FHIT: variants seen among roughly 807,000 people sequenced by gnomAD.
FHIT encodes the protein fragile histidine triad diadenosine triphosphatase.
In FHIT, 19 loss-of-function variants were observed where a neutral mutation model predicts 17.9. The ratio of observed to expected loss-of-function variants is 1.06; its 90% CI spans 0.74 to 1.56. The LOEUF (loss-of-function observed/expected upper bound fraction) is 1.56, where lower values mean the gene tolerates loss of function less well. FHIT is among the 40% of genes most tolerant of loss of function. FHIT has a pLI of 0.00. For synonymous variants in FHIT, 81 were observed against 69.7 expected (o/e 1.16, Z -0.81); for missense variants, 248 against 189.2 (o/e 1.31, Z -1.82).
At position 60,294,543 on chromosome 3, in the gene FHIT, C is replaced by T. The variant is rs556739590; in HGVS notation, c.103+242317G>A. 3.3e-5 allele frequency among the ~76,000 whole-genome samples: 5 copies of T among 152,290 alleles called. No homozygotes were observed. In the East Asian group the frequency reaches 9.7e-4, roughly 29 times the overall value. On this transcript the variant is annotated intron_variant, in intron 5 of 9. Coordinates refer to ENST00000492590, the MANE Select transcript of FHIT (RefSeq NM_002012.4). The stretch of plus-strand genomic sequence containing the variant: ...TACAAACAATGAGTACAGCCACATG[C>T]TGTGCCTAAAATAACAATTACAAAA...
chr3:61,105,586 C>T (rs2035966618), intron 2 of FHIT, among the ~76,000 whole-genome samples: 1 of 151,972 alleles, frequency 6.6e-6, no homozygotes, highest in South Asian at 2.1e-4. Flanking sequence ...AAAAAGTGGT[C>T]TGCATATTTG....
intron 2 of FHIT, among the ~76,000 whole-genome samples, chr3:61,188,297 T>C (rs767855518): frequency 1.3e-5 from 2 of 152,116 alleles, no homozygotes; most frequent in Non-Finnish European, 1.5e-5. Flanking sequence ...GAGAATACTA[T>C]AAACACCTCT....
At chr3:60,211,193 GTA>G (rs965161103) in intron 5 of FHIT, among the ~76,000 whole-genome samples, 8 of 151,622 alleles carry the variant, frequency 5.3e-5, no homozygotes, top group African/African-American at 1.9e-4. Flanking sequence ...GAAGAAAAAT[GTA>G]TAGAGTATAT....
intron 5 of FHIT, among the ~76,000 whole-genome samples, chr3:60,208,362 T>G (rs1703297177): frequency 6.8e-6 from 1 of 148,008 alleles, no homozygotes; most frequent in African/African-American, 2.4e-5. Context: ...AAGTGTACTC[T>G]GAAATCACCT....
intron 8 of FHIT, among the ~76,000 whole-genome samples, chr3:59,872,987 C>T (rs141966394): frequency 9.5e-4 from 145 of 152,306 alleles, no homozygotes; most frequent in African/African-American, 3.4e-3. Flanking sequence ...CTAGAAGCAG[C>T]CCTGCTCACC....
At chr3:60,590,718 A>T (rs2038056849) in intron 4 of FHIT, among the ~76,000 whole-genome samples, 1 of 152,108 alleles carries the variant, frequency 6.6e-6, no homozygotes, top group South Asian at 2.1e-4. Context: ...AATTCAACGC[A>T]TATTTACTCC....
intron 4 of FHIT, among the ~76,000 whole-genome samples, chr3:60,799,323 T>G (rs536701148): frequency 6.6e-6 from 1 of 152,140 alleles, no homozygotes; most frequent in Non-Finnish European, 1.5e-5. Context: ...CACGGGCATG[T>G]GCCACCATGC....
intron 5 of FHIT, among the ~76,000 whole-genome samples, chr3:60,303,683 G>A (rs748291592): frequency 6.6e-6 from 1 of 152,140 alleles, no homozygotes; most frequent in Non-Finnish European, 1.5e-5. Context: ...GACAGCAGTA[G>A]ACAATCGTGC....
At chr3:60,239,165 T>C (rs75783518) in intron 5 of FHIT, among the ~76,000 whole-genome samples, 1,582 of 152,304 alleles carry the variant, frequency 0.01, 22 homozygotes, top group African/African-American at 0.036. Context: ...TTCTTTTGTA[T>C]ATATTTACAT....
intron 4 of FHIT, among the ~76,000 whole-genome samples, chr3:60,758,364 G>A (rs966561621): frequency 6.6e-6 from 1 of 152,174 alleles, no homozygotes; most frequent in Non-Finnish European, 1.5e-5. Context: ...CCCAATGTAT[G>A]GATGCCATCT....
rs141068392 is a variant in FHIT at position 60,435,618 on chromosome 3, G to A, written c.103+101242C>T. 5.3e-3 allele frequency among the ~76,000 whole-genome samples: 811 copies of A among 152,036 alleles called. 9 individuals carry two copies. Among genetic ancestry groups the A allele is most frequent in the African/African-American group, 0.019 (781 of 41,488 alleles). On this transcript the variant is annotated intron_variant, in intron 5 of 9. Coordinates refer to ENST00000492590, the MANE Select transcript of FHIT (RefSeq NM_002012.4). ...AGGGTGAAGATAAATGCCAGATTGAGTTACTTTGTTTTTTAATACTTAAAT... is the reference window on the plus strand; with the variant it reads ...AGGGTGAAGATAAATGCCAGATTGAATTACTTTGTTTTTTAATACTTAAAT...
At position 60,037,788 on chromosome 3, in the gene FHIT, A is replaced by T. The variant is rs538422989; in HGVS notation, c.104-23636T>A. On this transcript the variant is annotated intron_variant, in intron 5 of 9. Transcript: ENST00000492590. ...GAGTGCAGTGACATGATCTCGGCTC[A>T]CTGCAACCTCTGCCTCCCGGGTTCA... 1.9e-4 allele frequency among the ~76,000 whole-genome samples: 29 copies of T among 151,524 alleles called. No individual in the cohort carries two copies. In the South Asian group the frequency reaches 5.9e-3, roughly 31 times the overall value.
chr3:60,457,863 C>A (rs1454458785), intron 5 of FHIT, among the ~76,000 whole-genome samples: 1 of 152,032 alleles, frequency 6.6e-6, no homozygotes, highest in Admixed American at 6.6e-5. Context: ...CAGAGAAATG[C>A]AAATCAAAAC....
intron 5 of FHIT, among the ~76,000 whole-genome samples, chr3:60,261,875 CTCTG>C (rs764595856): frequency 2.0e-5 from 3 of 151,988 alleles, no homozygotes; most frequent in Non-Finnish European, 4.4e-5. Flanking sequence ...AAAGGAACAT[CTCTG>C]TCTCTCTGAA....
At chr3:59,966,679 T>C (rs1707940794) in intron 7 of FHIT, among the ~76,000 whole-genome samples, 2 of 152,180 alleles carry the variant, frequency 1.3e-5, no homozygotes, top group Non-Finnish European at 2.9e-5. Flanking sequence ...GTATAAAAGA[T>C]AAGAAATATG....
intron 1 of FHIT, among the ~76,000 whole-genome samples, chr3:61,204,424 C>G (rs776195575): frequency 1.3e-4 from 20 of 152,084 alleles, no homozygotes; most frequent in Non-Finnish European, 2.5e-4. Context: ...TTAAAACATA[C>G]AAGAGTAACC....
At chr3:60,306,814 A>T (rs896043026) in intron 5 of FHIT, among the ~76,000 whole-genome samples, 9 of 152,166 alleles carry the variant, frequency 5.9e-5, no homozygotes, top group African/African-American at 2.4e-5. Context: ...ATGTTTAAAA[A>T]TACACTTGGT....
At chr3:60,253,802 A>C (rs920718236) in intron 5 of FHIT, among the ~76,000 whole-genome samples, 2 of 152,210 alleles carry the variant, frequency 1.3e-5, no homozygotes, top group African/African-American at 2.4e-5. Flanking sequence ...GAAATAAAAC[A>C]CCAGGACAAA....
chr3:59,792,485 T>A (rs1189127141), intron 8 of FHIT, among the ~76,000 whole-genome samples: 1 of 152,190 alleles, frequency 6.6e-6, no homozygotes, highest in Non-Finnish European at 1.5e-5. Context: ...GACCTGGGTT[T>A]AAATCCTAGA....
Sources: allele counts gnomAD v4.1 joint callset (sites outside exome capture counted in the v4.1 genomes callset), GRCh38; gene constraint gnomAD v4.1.1; transcripts MANE v1.5; gene names NCBI Gene and HGNC (gene_info 2026-07-23, HGNC 2026-07-21).